FXYD2: variants seen among roughly 807,000 people sequenced by gnomAD.
FXYD2 encodes FXYD domain containing ion transport regulator 2.
In FXYD2, 8 loss-of-function variants were observed where a neutral mutation model predicts 11.8. The ratio of observed to expected loss-of-function variants is 0.68; its 90% CI spans 0.40 to 1.22. FXYD2 has a LOEUF of 1.22. FXYD2 is among the 50% of genes most tolerant of loss of function. The pLI is 0.01. For synonymous variants in FXYD2, 42 were observed against 33.3 expected, an observed-to-expected ratio of 1.26 and a Z score of -0.90; for missense variants, 92 against 91.8, an observed-to-expected ratio of 1.00 and a Z score of -0.01.
At chr11:117,827,089 T>C (rs112855458), upstream of FXYD2, among the ~76,000 whole-genome samples, 1 of 1,766 alleles carries the variant, frequency 5.7e-4, no homozygotes, top group Non-Finnish European at 2.2e-3. Context: ...AATAGAGAGA[T>C]AGATAGATAG....
At position 117,822,803 on chromosome 11, in the gene FXYD2, C is replaced by T; in HGVS notation, c.26-86G>A. 6.5e-7 allele frequency: 1 copy of T among 1,544,650 alleles called. No individual in the cohort carries two copies. The highest frequency in any genetic ancestry group is 8.8e-7 in the Non-Finnish European group (1 of 1,140,640). ...AGCTGGAATTCCCTGTCCTTCCCTT[C>T]CCAGAGGACCCTCGAGGGTCCAAGC... On this transcript the variant is annotated intron_variant, in intron 1 of 5. Coordinates refer to ENST00000292079, the MANE Select transcript of FXYD2 (RefSeq NM_001680.5). The surrounding 1 kb of genome is among the most constrained non-coding windows in gnomAD (Gnocchi z 4.7).
In FXYD2 at chr11:117,824,428, G is replaced by C. The variant is rs1481449519; in HGVS notation, c.25+226C>G. ...ACGCTCAGCTCTCCAGCTTCTATCT[G>C]CTGCCTTTCTGCCACTCAAGCTATC... On this transcript the variant is annotated intron_variant, in intron 1 of 5. Coordinates refer to ENST00000292079, the MANE Select transcript of FXYD2 (RefSeq NM_001680.5). This position sits in a 1 kb window ranked among gnomAD's most constrained non-coding sequence, Gnocchi z 4.0. 1.6e-6 allele frequency: 1 copy of C among 624,510 alleles called. No homozygotes were observed. Among genetic ancestry groups the C allele is most frequent in the Non-Finnish European group, 2.9e-6 (1 of 346,018 alleles). The allele number at this position is 624,510 out of a possible 1,614,324, so 38.7% of individuals were successfully genotyped here. A position where few individuals can be genotyped will look rare whatever the true frequency, so the allele number is the denominator to read the frequency against.
chr11:117,822,006 G>A lies in FXYD2; in HGVS notation c.139+400C>T. 8.5e-7 allele frequency: 1 copy of A among 1,177,372 alleles called. No individual in the cohort carries two copies. The highest frequency in any genetic ancestry group is 1.8e-5 in the South Asian group (1 of 54,124). 72.9% of individuals were successfully genotyped at this position (1,177,372 alleles called of 1,614,324 possible). A position where few individuals can be genotyped will look rare whatever the true frequency, so the allele number is the denominator to read the frequency against. ...GAGTCTGCACTGGACCGTTCTCAGA[G>A]CGCTGTCCTGACTGCCATGTCTTTG... On this transcript the variant is annotated intron_variant, in intron 3 of 5. Coordinates refer to ENST00000292079, the MANE Select transcript of FXYD2 (RefSeq NM_001680.5). The surrounding 1 kb of genome is among the most constrained non-coding windows in gnomAD (Gnocchi z 4.7).
chr11:117,820,961 A>C, intron 3 of FXYD2, 66 bp from the exon 4 acceptor site: 1 of 1,611,340 alleles, frequency 6.2e-7, no homozygotes, highest in South Asian at 1.1e-5. Context: ...GGAAGACTCA[A>C]AATTCTTCCA....
chr11:117,822,854 G>C lies in FXYD2; in HGVS notation c.26-137C>G. On this transcript the variant is annotated intron_variant, in intron 1 of 5. Transcript: ENST00000292079. This position sits in a 1 kb window ranked among gnomAD's most constrained non-coding sequence, Gnocchi z 4.7. ...AGGCGAGGGGAGGCTGGGAGCAGGG[G>C]TGTTGCTAAAACCATTGCCAGCAGG... 1 of 1,234,522 alleles carries C rather than the reference G, an allele frequency of 8.1e-7. No homozygotes were observed. 76.5% of individuals were successfully genotyped at this position (1,234,522 alleles called of 1,614,324 possible).
chr11:117,821,610 C>A (rs2055906163), intron 3 of FXYD2: 3 of 985,964 alleles, frequency 3.0e-6, no homozygotes, highest in South Asian at 4.7e-5. Flanking sequence ...TCAGCTGCCA[C>A]CCGGCACTGC....
At chr11:117,827,103 G>C (rs2056059419), upstream of FXYD2, among the ~76,000 whole-genome samples, 1 of 121,474 alleles carries the variant, frequency 8.2e-6, no homozygotes, top group Non-Finnish European at 1.8e-5. Context: ...TAGATAGATA[G>C]ATAGATAGAT....
At chr11:117,827,876 C>T, upstream of FXYD2, 2 of 767,334 alleles carry the variant, frequency 2.6e-6, no homozygotes, top group South Asian at 1.5e-5. Context: ...AATTCTGCCT[C>T]TCTTCCTTTC....
Position 117,822,075 on chromosome 11 carries a change from T to C in FXYD2, c.139+331A>G, listed in dbSNP as rs2055918645. ...GTGAGGCAGGTGGGATCATCCCTAT[T>C]TAACAAATGAGTTTGGGACCATGGT... On this transcript the variant is annotated intron_variant, in intron 3 of 5. Transcript: ENST00000292079. The surrounding 1 kb of genome is among the most constrained non-coding windows in gnomAD (Gnocchi z 4.7). 1.6e-6 allele frequency: 2 copies of C among 1,278,500 alleles called. No individual in the cohort carries two copies. The highest frequency in any genetic ancestry group is 7.8e-5 in the East Asian group (2 of 25,616). 79.2% of individuals were successfully genotyped at this position (1,278,500 alleles called of 1,614,324 possible). A position where few individuals can be genotyped will look rare whatever the true frequency, so the allele number is the denominator to read the frequency against.
upstream of FXYD2, among the ~76,000 whole-genome samples, chr11:117,825,524 C>A (rs779691704): frequency 4.6e-4 from 70 of 151,572 alleles, no homozygotes; most frequent in Admixed American, 1.3e-4. Context: ...ACTTTCCTCA[C>A]TGTTTTTTCT....
chr11:117,825,285 C>T (rs946449884), upstream of FXYD2, among the ~76,000 whole-genome samples: 7 of 152,202 alleles, frequency 4.6e-5, no homozygotes, highest in African/African-American at 1.7e-4. Context: ...ATCTGTCATC[C>T]TATTCACCCA....
At position 117,822,520 on chromosome 11, in the gene FXYD2, T is replaced by A; in HGVS notation, c.65-40A>T. The A allele has an allele frequency of 6.4e-7, 1 of 1,555,876 alleles. No individual in the cohort carries two copies. Reference sequence around the variant, plus strand: ...GGCAAGAGGAGCGGGATGGGTGGTCTCTCCCAGCAGCTGTCTCTCTCCGCA... The same window carrying A: ...GGCAAGAGGAGCGGGATGGGTGGTCACTCCCAGCAGCTGTCTCTCTCCGCA... On this transcript the variant is annotated intron_variant, in intron 2 of 5. Coordinates refer to ENST00000292079, the MANE Select transcript of FXYD2 (RefSeq NM_001680.5). The surrounding 1 kb of genome is among the most constrained non-coding windows in gnomAD (Gnocchi z 4.7).
At chr11:117,820,768 G>C (rs2055880714) in intron 4 of FXYD2, 72 bp from the exon 5 acceptor site, 2 of 1,612,740 alleles carry the variant, frequency 1.2e-6, no homozygotes, top group Non-Finnish European at 1.7e-6. Context: ...CTGAGGCTGG[G>C]GATCCTCCAC....
rs528915899 is a variant in FXYD2, at chr11:117,822,262, C to T, written c.139+144G>A. ...CCAGCGAGCCTGGCACCCCACCGGGCACCCATTCCCACATCCTGCAGTGGG... is the reference window on the plus strand; with the variant it reads ...CCAGCGAGCCTGGCACCCCACCGGGTACCCATTCCCACATCCTGCAGTGGG... On this transcript the variant is annotated intron_variant, in intron 3 of 5. Transcript: ENST00000292079. This position sits in a 1 kb window ranked among gnomAD's most constrained non-coding sequence, Gnocchi z 4.7. 5 of 1,526,378 alleles carry T rather than the reference C, an allele frequency of 3.3e-6. No individual in the cohort carries two copies. The East Asian group carries it at 1.2e-4, about 38-fold the overall frequency. The allele number at this position is 1,526,378 out of a possible 1,614,324, so 94.6% of individuals were successfully genotyped here. A position where few individuals can be genotyped will look rare whatever the true frequency, so the allele number is the denominator to read the frequency against.
In FXYD2 at chr11:117,822,660, C is replaced by T. The variant is rs201735486; in HGVS notation, c.64+19G>A. The T allele has an allele frequency of 5.6e-5, 90 of 1,607,488 alleles. No homozygotes were observed. The East Asian group carries it at 1.0e-3, about 18-fold the overall frequency. On this transcript the variant is annotated intron_variant, in intron 2 of 5. Coordinates refer to ENST00000292079, the MANE Select transcript of FXYD2 (RefSeq NM_001680.5). The surrounding 1 kb of genome is among the most constrained non-coding windows in gnomAD (Gnocchi z 4.7). ...GGGTCCTGAGGGCTCAGGAAGGGTG[C>T]GCAGGGGCCCAGGCTTACCATAGTA... is the stretch of plus-strand genomic sequence containing the variant.
chr11:117,826,285 C>T (rs542005401), upstream of FXYD2, among the ~76,000 whole-genome samples: 75 of 152,270 alleles, frequency 4.9e-4, no homozygotes, highest in African/African-American at 1.8e-3. Context: ...GCTGCAATAC[C>T]CGTTCAGCTC....
rs1243874375 is a variant in FXYD2 at position 117,822,704 on chromosome 11, C to T, written c.39G>A (p.Lys13=). The stretch of plus-strand genomic sequence containing the variant: ...CATAGTAGAACGGGTCCACGTCCCC[C>T]TTGGGGCTGCCGCCTAGGAGAGAGC... ...GLSMDGGGSP[K]GDVDPFYYDY... Residue 13 remains lysine, a synonymous_variant, in exon 2 of 6, where the codon AAG becomes AAA. Coordinates refer to ENST00000292079, the MANE Select transcript of FXYD2 (RefSeq NM_001680.5). This position sits in a 1 kb window ranked among gnomAD's most constrained non-coding sequence, Gnocchi z 4.7. 6.2e-7 allele frequency: 1 copy of T among 1,610,346 alleles called. No homozygotes were observed. The highest frequency in any genetic ancestry group is 8.5e-7 in the Non-Finnish European group (1 of 1,179,152).
In FXYD2 at chr11:117,824,568, G is replaced by GT; in HGVS notation, c.25+85dup. 1.9e-6 allele frequency: 2 copies of GT among 1,075,814 alleles called. No individual in the cohort carries two copies. Among genetic ancestry groups the GT allele is most frequent in the Non-Finnish European group, 2.9e-6 (2 of 694,278 alleles). 66.6% of individuals were successfully genotyped at this position (1,075,814 alleles called of 1,614,324 possible). Reference sequence around the variant, plus strand: ...GGCTGAGGTGGCAGGAGAGGGAAGAGTAGGGTCCAGCTGACCCCACAAAGG... The same window carrying GT: ...GGCTGAGGTGGCAGGAGAGGGAAGAGTTAGGGTCCAGCTGACCCCACAAAGG... On this transcript the variant is annotated intron_variant, in intron 1 of 5. Transcript: ENST00000292079. The surrounding 1 kb of genome is among the most constrained non-coding windows in gnomAD (Gnocchi z 4.0).
intron 3 of FXYD2, chr11:117,821,853 G>T: frequency 1.0e-6 from 1 of 999,626 alleles, no homozygotes; most frequent in Non-Finnish European, 1.2e-6. Flanking sequence ...CTTTCCATGG[G>T]TTGTGTTTTC....
Sources: allele counts gnomAD v4.1 joint callset (sites outside exome capture counted in the v4.1 genomes callset), GRCh38; gene constraint gnomAD v4.1.1; non-coding constraint Gnocchi (gnomAD v3.1); transcripts MANE v1.5; gene names NCBI Gene and HGNC (gene_info 2026-07-23, HGNC 2026-07-21).